Variants in JAK1 observed in about 807,000 individuals in gnomAD.
JAK1 encodes the protein Janus kinase 1.
Under a neutral mutation model 136.6 loss-of-function variants are expected in JAK1, and 16 were observed. The observed-to-expected ratio is 0.12, with a 90% CI of 0.08 to 0.18. JAK1 has a LOEUF of 0.18. JAK1 is among the 10% of genes least tolerant of loss of function. The pLI, the probability that JAK1 is intolerant of heterozygous loss-of-function variation, is 1.00. For missense variants in JAK1, 859 were observed against 1,450.1 expected (o/e 0.59, Z 6.62); for synonymous variants, 492 against 519.5 (o/e 0.95, Z 0.72).
intron 2 of JAK1, among the ~76,000 whole-genome samples, chr1:64,981,363 T>C (rs930906573): frequency 3.9e-5 from 6 of 152,210 alleles, no homozygotes; most frequent in African/African-American, 1.4e-4. Context: ...TATATCTCCT[T>C]GACCAGATGT....
At position 64,886,319 on chromosome 1, in the gene JAK1, T is replaced by C; in HGVS notation, c.-55A>G. On this transcript the variant is annotated 5_prime_UTR_variant, in exon 2 of 25. Transcript: ENST00000342505. ...GCAAACTGGATTTTCTTCTCTACTT[T>C]CCAAAGCTACTTCAGAGAAGCGCTA... The C allele has an allele frequency of 6.4e-7, 1 of 1,572,220 alleles. No individual in the cohort carries two copies. Among genetic ancestry groups the C allele is most frequent in the Admixed American group, 2.0e-5 (1 of 50,612 alleles).
chr1:64,862,917 G>A (rs1194059962), intron 8 of JAK1, among the ~76,000 whole-genome samples: 2 of 152,192 alleles, frequency 1.3e-5, no homozygotes, highest in Non-Finnish European at 2.9e-5. Context: ...AAGTAGAGCT[G>A]ATGCTCAGTC....
chr1:64,869,303 A>G lies in JAK1; in HGVS notation c.647+8T>C, dbSNP rs1365626860. ...ACAATCAATTCTTCAGCCAGTGGGAAGCTTTACCTGATGTCCTTGGGCAGT... is the reference window on the plus strand; with the variant it reads ...ACAATCAATTCTTCAGCCAGTGGGAGGCTTTACCTGATGTCCTTGGGCAGT... On this transcript the variant is annotated splice_region_variant and intron_variant, in intron 6 of 24. Coordinates refer to ENST00000342505, the MANE Select transcript of JAK1 (RefSeq NM_002227.4). 1 of 1,612,170 alleles carries G rather than the reference A, an allele frequency of 6.2e-7. No individual in the cohort carries two copies. Among genetic ancestry groups the G allele is most frequent in the African/African-American group, 1.3e-5 (1 of 74,856 alleles).
chr1:64,974,856 C>G (rs1436398599), intron 2 of JAK1: 1 of 152,210 alleles, frequency 6.6e-6, no homozygotes, highest in East Asian at 1.9e-4. Flanking sequence ...AGCCAGCATT[C>G]TCTTTTCTTT....
At chr1:65,018,534 AAG>A (rs1646910348) in intron 2 of JAK1, among the ~76,000 whole-genome samples, 1 of 151,506 alleles carries the variant, frequency 6.6e-6, no homozygotes, top group Admixed American at 6.6e-5. Flanking sequence ...AGGAGTGAAA[AAG>A]GGGATATTAC....
chr1:64,846,777 C>T, intron 13 of JAK1, 41 bp from the exon 14 acceptor site: 2 of 1,527,512 alleles, frequency 1.3e-6, no homozygotes, highest in Non-Finnish European at 9.0e-7. Flanking sequence ...AGGCCAGCCT[C>T]CAGGGGGCTG....
At chr1:65,049,343 G>A (rs1461975679) in intron 1 of JAK1, among the ~76,000 whole-genome samples, 1 of 152,166 alleles carries the variant, frequency 6.6e-6, no homozygotes, top group East Asian at 1.9e-4. Flanking sequence ...GATCCTTTGA[G>A]CCCAGAAGTT....
intron 19 of JAK1, among the ~76,000 whole-genome samples, chr1:64,840,248 A>T (rs1316086219): frequency 6.6e-6 from 1 of 152,144 alleles, no homozygotes; most frequent in African/African-American, 2.4e-5. Context: ...CAAGTCCCCA[A>T]ATCGGAGCTG....
intron 2 of JAK1, among the ~76,000 whole-genome samples, chr1:65,021,827 A>G (rs539838502): frequency 2.6e-4 from 40 of 152,284 alleles, no homozygotes; most frequent in African/African-American, 9.1e-4. Context: ...AGAGGACACT[A>G]AAACCAAGAG....
rs148517503 is a variant in JAK1 at position 64,852,807 on chromosome 1, C to T, written c.1649-1897G>A. Among the ~76,000 whole-genome samples the T allele has an allele frequency of 6.3e-3, 953 of 152,258 alleles. 10 individuals are homozygous for T. The highest frequency in any genetic ancestry group is 0.022 in the African/African-American group (912 of 41,550). On this transcript the variant is annotated intron_variant, in intron 11 of 24. Transcript: ENST00000342505. ...GGAAGAATGGGATGACGCAAGGGAA[C>T]GGCTGCCTTCAGTGCCCGGTATGGA...
intron 1 of JAK1, among the ~76,000 whole-genome samples, chr1:65,064,562 G>A (rs1647959552): frequency 1.3e-5 from 2 of 152,120 alleles, no homozygotes; most frequent in Admixed American, 6.5e-5. Context: ...CTCAATTCAG[G>A]GACTGAATGG....
Position 64,941,617 on chromosome 1 carries a change from A to G in JAK1, c.-78+24716T>C, listed in dbSNP as rs184377113. On this transcript the variant is annotated intron_variant, in intron 1 of 24. Transcript: ENST00000342505. The stretch of plus-strand genomic sequence containing the variant: ...CAGAGAAACTGGGGATGGAAAGGGA[A>G]CCTCAGAGCTGTGATGTTACATTCA... Among the ~76,000 whole-genome samples, 366 of 152,288 alleles carry G rather than the reference A, an allele frequency of 2.4e-3. 2 individuals carry two copies. The highest frequency in any genetic ancestry group is 8.5e-3 in the African/African-American group (352 of 41,568).
chr1:65,034,339 C>T (rs1274192346), intron 2 of JAK1, among the ~76,000 whole-genome samples: 1 of 152,130 alleles, frequency 6.6e-6, no homozygotes, highest in African/African-American at 2.4e-5. Flanking sequence ...AAGGAGAATT[C>T]ATAAATTTTG....
intron 2 of JAK1, among the ~76,000 whole-genome samples, chr1:64,991,091 C>A (rs546114710): frequency 1.3e-5 from 2 of 151,846 alleles, no homozygotes; most frequent in East Asian, 1.9e-4. Context: ...TAAAGAAAAT[C>A]AGGAAAATAG....
intron 1 of JAK1, among the ~76,000 whole-genome samples, chr1:65,054,844 G>A (rs772386618): frequency 2.6e-5 from 4 of 152,172 alleles, no homozygotes; most frequent in Non-Finnish European, 5.9e-5. Context: ...GGAAACATGT[G>A]TAAAGGACTT....
intron 2 of JAK1, among the ~76,000 whole-genome samples, chr1:65,012,796 C>CAA (rs374552765): frequency 2.3e-4 from 27 of 116,106 alleles, no homozygotes; most frequent in South Asian, 5.8e-4. Context: ...GACCCTGTCT[C>CAA]AAAAAAAAAA....
chr1:64,934,427 A>G (rs1349968799), intron 1 of JAK1, among the ~76,000 whole-genome samples: 2 of 152,208 alleles, frequency 1.3e-5, no homozygotes, highest in Non-Finnish European at 1.5e-5. Flanking sequence ...CCTAACTGGG[A>G]GACGTGGCAT....
intron 2 of JAK1, among the ~76,000 whole-genome samples, chr1:65,022,169 A>C (rs149763684): frequency 6.6e-6 from 1 of 152,238 alleles, no homozygotes; most frequent in African/African-American, 2.4e-5. Flanking sequence ...GCCTTTTCCA[A>C]AACAATTCAG....
intron 5 of JAK1, 26 bp downstream of exon 5, chr1:64,873,344 G>C (rs886714774): frequency 2.5e-6 from 4 of 1,613,626 alleles, no homozygotes; most frequent in Non-Finnish European, 3.4e-6. Flanking sequence ...ACAAACTCCA[G>C]CTTCTCCTGG....
Sources: gnomAD v4.1 joint callset for allele counts (sites outside exome capture counted in the v4.1 genomes callset) on GRCh38, gnomAD v4.1.1 for gene constraint, MANE v1.5 for transcripts, NCBI Gene and HGNC (gene_info 2026-07-23, HGNC 2026-07-21) for gene names.